Variants in DOCK3 observed in about 807,000 individuals in gnomAD.
DOCK3 encodes dedicator of cytokinesis protein 3.
In DOCK3, 60 loss-of-function variants were observed where a neutral mutation model predicts 265.6. The observed-to-expected ratio is 0.23, with a 90% CI of 0.18 to 0.28. The LOEUF is 0.28. DOCK3 is among the 10% of genes least tolerant of loss of function. The pLI is 1.00. For synonymous variants in DOCK3, 881 were observed against 938.0 expected (o/e 0.94, Z 1.11); for missense variants, 1,981 against 2,594.3 (o/e 0.76, Z 5.14).
chr3:50,858,935 T>G (rs1559733172), intron 3 of DOCK3, among the ~76,000 whole-genome samples: 1 of 152,178 alleles, frequency 6.6e-6, no homozygotes, highest in Non-Finnish European at 1.5e-5. Flanking sequence ...CTTAGCTTGG[T>G]TATTCTCATG....
At chr3:50,751,238 T>G (rs2039781318) in intron 1 of DOCK3, among the ~76,000 whole-genome samples, 1 of 152,000 alleles carries the variant, frequency 6.6e-6, no homozygotes, top group South Asian at 2.1e-4. Flanking sequence ...CCTTTGACCC[T>G]GTGACATAAA....
rs782780365 is a variant in DOCK3, at chr3:51,381,568, G to A, written c.*9G>A. The A allele has an allele frequency of 2.7e-5, 40 of 1,496,752 alleles. No homozygotes were observed. The highest frequency in any genetic ancestry group is 1.3e-4 in the African/African-American group (9 of 71,446). 92.7% of individuals were successfully genotyped at this position (1,496,752 alleles called of 1,614,324 possible). Reference sequence around the variant, plus strand: ...GCCGAGGGGAGCAGTGAGGGGCAACGAGGCGGCTGGGATGCCGCCCTCAGT... The same window carrying A: ...GCCGAGGGGAGCAGTGAGGGGCAACAAGGCGGCTGGGATGCCGCCCTCAGT... On this transcript the variant is annotated 3_prime_UTR_variant, in exon 53 of 53. Coordinates refer to ENST00000266037, the MANE Select transcript of DOCK3 (RefSeq NM_004947.5). This position sits in a 1 kb window ranked among gnomAD's most constrained non-coding sequence, Gnocchi z 5.6.
At chr3:50,951,802 T>A (rs532842852) in intron 5 of DOCK3, among the ~76,000 whole-genome samples, 144 of 150,992 alleles carry the variant, frequency 9.5e-4, no homozygotes, top group African/African-American at 3.4e-3. Flanking sequence ...AAAAAAAAAA[T>A]AATACATAAG....
intron 7 of DOCK3, among the ~76,000 whole-genome samples, chr3:51,086,508 C>T (rs1165262209): frequency 6.6e-6 from 1 of 152,086 alleles, no homozygotes; most frequent in African/African-American, 2.4e-5. Context: ...CACAGAAGTA[C>T]ACAGGATCAG....
At position 51,381,557 on chromosome 3, in the gene DOCK3, T is replaced by C; in HGVS notation, c.6091T>C (p.Ter2031ArgextTer12). 6.6e-7 allele frequency: 1 copy of C among 1,517,042 alleles called. No homozygotes were observed. The highest frequency in any genetic ancestry group is 8.8e-7 in the Non-Finnish European group (1 of 1,136,616). 94.0% of individuals were successfully genotyped at this position (1,517,042 alleles called of 1,614,324 possible). A position where few individuals can be genotyped will look rare whatever the true frequency, so the allele number is the denominator to read the frequency against. The stretch of plus-strand genomic sequence containing the variant: ...CTGGGAGCACGGCCGAGGGGAGCAG[T>C]GAGGGGCAACGAGGCGGCTGGGATG... The part of the protein sequence containing the change: ...MAWEHGRGEQ[*>R] Residue 2031 changes from the stop codon to arginine (R), a stop_lost, in exon 53 of 53, where the codon TGA (stop) becomes CGA (arginine). Transcript: ENST00000266037. The surrounding 1 kb of genome is among the most constrained non-coding windows in gnomAD (Gnocchi z 5.6).
At chr3:51,212,161 C>T (rs1482464835) in intron 13 of DOCK3, among the ~76,000 whole-genome samples, 2 of 152,164 alleles carry the variant, frequency 1.3e-5, no homozygotes, top group African/African-American at 4.8e-5. Context: ...TGATTTCTTT[C>T]ATTCTTTGCA....
At chr3:51,314,903 T>G (rs2083284174) in intron 31 of DOCK3, 77 bp from the exon 32 acceptor site, 1 of 1,466,264 alleles carries the variant, frequency 6.8e-7, no homozygotes, top group Non-Finnish European at 9.1e-7. Flanking sequence ...GATTGTAGCA[T>G]GTGTTGTGGC....
chr3:50,710,005 C>T (rs371063611), intron 1 of DOCK3, among the ~76,000 whole-genome samples: 19 of 152,044 alleles, frequency 1.2e-4, no homozygotes, highest in East Asian at 1.9e-4. Flanking sequence ...TTGTGGCCAG[C>T]GTGGGCAACA....
intron 12 of DOCK3, among the ~76,000 whole-genome samples, chr3:51,192,529 A>G (rs2088007551): frequency 6.6e-6 from 1 of 152,036 alleles, no homozygotes; most frequent in African/African-American, 2.4e-5. Flanking sequence ...ATAAAAAAGT[A>G]GGAGCAGCAG....
At chr3:50,700,714 C>G (rs1212691057) in intron 1 of DOCK3, among the ~76,000 whole-genome samples, 2 of 152,162 alleles carry the variant, frequency 1.3e-5, no homozygotes, top group Non-Finnish European at 2.9e-5. Context: ...CGTATCTTGG[C>G]TATTGTGAAT....
chr3:51,343,999 G>A (rs557668127), intron 38 of DOCK3, among the ~76,000 whole-genome samples: 1 of 152,338 alleles, frequency 6.6e-6, no homozygotes, highest in East Asian at 1.9e-4. Flanking sequence ...AGAGTTTAGA[G>A]AAGGAAGGGG....
chr3:51,266,533 C>T (rs891911517), intron 23 of DOCK3, among the ~76,000 whole-genome samples: 1 of 152,182 alleles, frequency 6.6e-6, no homozygotes, highest in Non-Finnish European at 1.5e-5. Context: ...CACACATCTA[C>T]AATCATCTGA....
intron 4 of DOCK3, among the ~76,000 whole-genome samples, chr3:50,891,183 A>G (rs544458382): frequency 6.6e-5 from 10 of 152,230 alleles, no homozygotes; most frequent in African/African-American, 2.4e-4. Flanking sequence ...TCTTTTCCCC[A>G]GTATCTTTCT....
chr3:51,020,718 A>G (rs569399198), intron 5 of DOCK3, among the ~76,000 whole-genome samples: 2 of 152,040 alleles, frequency 1.3e-5, no homozygotes, highest in East Asian at 3.9e-4. Flanking sequence ...ACCATTTATT[A>G]AATAGGGAAT....
intron 5 of DOCK3, among the ~76,000 whole-genome samples, chr3:50,976,798 C>A (rs372653509): frequency 8.9e-5 from 9 of 101,110 alleles, no homozygotes; most frequent in Non-Finnish European, 1.5e-4. Context: ...GTAGGTCACT[C>A]AGGACTTGCT....
intron 8 of DOCK3, 66 bp downstream of exon 8, chr3:51,089,350 A>G (rs1464169017): frequency 6.5e-7 from 1 of 1,532,722 alleles, no homozygotes; most frequent in African/African-American, 1.4e-5. Context: ...ATTACAACAT[A>G]TGAATACACC....
chr3:51,135,712 ATTTTAT>A (rs1560108652), intron 9 of DOCK3, among the ~76,000 whole-genome samples: 1 of 151,680 alleles, frequency 6.6e-6, no homozygotes, highest in African/African-American at 2.4e-5. Flanking sequence ...TCTTTTTTTT[ATTTTAT>A]TTTTATTTTT....
chr3:51,259,311 A>G (rs1034635021), intron 22 of DOCK3, among the ~76,000 whole-genome samples: 2 of 152,242 alleles, frequency 1.3e-5, no homozygotes, highest in African/African-American at 4.8e-5. Context: ...TTATATTTCA[A>G]GTACCTGACT....
chr3:50,849,944 G>A (rs934507525), intron 3 of DOCK3, among the ~76,000 whole-genome samples: 6 of 151,740 alleles, frequency 4.0e-5, no homozygotes, highest in Admixed American at 2.6e-4. Flanking sequence ...AAGCTCTGAC[G>A]TTCTTTCTTC....
Sources: gnomAD v4.1 joint callset for allele counts (sites outside exome capture counted in the v4.1 genomes callset) on GRCh38, gnomAD v4.1.1 for gene constraint, Gnocchi (gnomAD v3.1) non-coding constraint, MANE v1.5 for transcripts, NCBI Gene and HGNC (gene_info 2026-07-23, HGNC 2026-07-21) for gene names.